Variants in ZNF865 observed in about 807,000 individuals in gnomAD.
ZNF865 encodes the protein zinc finger protein 865.
For synonymous variants in ZNF865, 763 were observed against 750.8 expected, an observed-to-expected ratio of 1.02 and a Z score of -0.27; for missense variants, 1,311 against 1,593.4, an observed-to-expected ratio of 0.82 and a Z score of 3.02.
chr19:55,614,127 G>A lies in ZNF865; in HGVS notation c.509G>A (p.Gly170Glu), dbSNP rs965254540. The part of the protein sequence containing the change: ...GNLKRGGPAS[G>E]PGVTPGLGAP... ...CTGAAGCGAGGAGGGCCCGCGTCCG[G>A]GCCGGGGGTGACGCCTGGGCTGGGC... The change falls in exon 2 of 2, where the codon GGG (glycine) becomes GAG (glutamate). Residue 170 changes from glycine (G) to glutamate (E), a missense_variant. Coordinates refer to ENST00000568956, the MANE Select transcript of ZNF865 (RefSeq NM_001195605.2). The surrounding 1 kb of genome is among the most constrained non-coding windows in gnomAD (Gnocchi z 8.0). 68 of 1,430,086 alleles carry A rather than the reference G, an allele frequency of 4.8e-5. No individual in the cohort carries two copies. Among genetic ancestry groups the A allele is most frequent in the South Asian group, 2.2e-4 (15 of 66,732 alleles). 88.6% of individuals were successfully genotyped at this position (1,430,086 alleles called of 1,614,324 possible).
chr19:55,613,860 C>T lies in ZNF865; in HGVS notation c.242C>T (p.Pro81Leu). The T allele has an allele frequency of 6.7e-7, 1 of 1,498,002 alleles. No individual in the cohort carries two copies. The highest frequency in any genetic ancestry group is 9.0e-7 in the Non-Finnish European group (1 of 1,115,004). 92.8% of individuals were successfully genotyped at this position (1,498,002 alleles called of 1,614,324 possible). A position where few individuals can be genotyped will look rare whatever the true frequency, so the allele number is the denominator to read the frequency against. ...CCTCCCCCGCAGTATGACTACCCGC[C>T]CCAGTCCACCTTCAAGCCCAAGGCG... ...QPPPPQYDYP[P>L]QSTFKPKAEV... Residue 81 changes from proline (P) to leucine (L), a missense_variant, in exon 2 of 2, where the codon CCC becomes CTC. Coordinates refer to ENST00000568956, the MANE Select transcript of ZNF865 (RefSeq NM_001195605.2).
At chr19:55,612,066 C>T (rs1184630944) in intron 1 of ZNF865, among the ~76,000 whole-genome samples, 1 of 152,162 alleles carries the variant, frequency 6.6e-6, no homozygotes, top group Non-Finnish European at 1.5e-5. Flanking sequence ...ACTCAAGCTC[C>T]CTGCTTCTGT....
Position 55,615,164 on chromosome 19 carries a change from G to T in ZNF865, c.1546G>T (p.Gly516Cys). ...GGCGGCCGCGGCGGCGGTGGTGTAC[G>T]GCGCTGTGCCCGTCCCGCTCCTGGG... ...AAAAAAAVVY[G>C]AVPVPLLGAH... is the part of the protein sequence containing the mutation. The change falls in exon 2 of 2, where the codon GGC (glycine) becomes TGC (cysteine). Residue 516 changes from glycine to cysteine, a missense_variant. Gly to Cys is a radical substitution (Grantham distance 159). Coordinates refer to ENST00000568956, the MANE Select transcript of ZNF865 (RefSeq NM_001195605.2). 1 of 1,335,352 alleles carries T rather than the reference G, an allele frequency of 7.5e-7. No homozygotes were observed. Among genetic ancestry groups the T allele is most frequent in the South Asian group, 1.7e-5 (1 of 59,134 alleles). The allele number at this position is 1,335,352 out of a possible 1,614,324, so 82.7% of individuals were successfully genotyped here. A position where few individuals can be genotyped will look rare whatever the true frequency, so the allele number is the denominator to read the frequency against.
Position 55,615,305 on chromosome 19 carries a change from G to A in ZNF865, c.1687G>A (p.Glu563Lys). Residue 563 changes from glutamate (E) to lysine (K), a missense_variant, in exon 2 of 2, where the codon GAG becomes AAG. Glu to Lys is a moderately conservative substitution (Grantham distance 56). Transcript: ENST00000568956. ...GICGRGFGRR[E>K]TLKRHERIHT... The stretch of plus-strand genomic sequence containing the variant: ...CTGCGGGCGCGGCTTCGGGCGCCGC[G>A]AGACCCTGAAGCGCCATGAGCGCAT... 1 of 1,526,492 alleles carries A rather than the reference G, an allele frequency of 6.6e-7. No individual in the cohort carries two copies. The highest frequency in any genetic ancestry group is 8.7e-7 in the Non-Finnish European group (1 of 1,143,396). 94.6% of individuals were successfully genotyped at this position (1,526,492 alleles called of 1,614,324 possible).
rs960655372 is a variant in ZNF865, at chr19:55,611,776, G to A, written c.-26-1817G>A. 6.6e-6 allele frequency among the ~76,000 whole-genome samples: 1 copy of A among 152,186 alleles called. No individual in the cohort carries two copies. Among genetic ancestry groups the A allele is most frequent in the Non-Finnish European group, 1.5e-5 (1 of 68,040 alleles). On this transcript the variant is annotated intron_variant, in intron 1 of 1. Transcript: ENST00000568956. This position sits in a 1 kb window ranked among gnomAD's most constrained non-coding sequence, Gnocchi z 4.5. ...ATCGGGTAGGGATGATGGACAGGAA[G>A]CGGGTCAGACCTCATGGGCCCTTCA...
In ZNF865 at chr19:55,614,393, C is replaced by T. The variant is rs1484832768; in HGVS notation, c.775C>T (p.Arg259Cys). 1.3e-6 allele frequency: 2 copies of T among 1,483,036 alleles called. No individual in the cohort carries two copies. Among genetic ancestry groups the T allele is most frequent in the East Asian group, 2.9e-5 (1 of 34,684 alleles). 91.9% of individuals were successfully genotyped at this position (1,483,036 alleles called of 1,614,324 possible). A position where few individuals can be genotyped will look rare whatever the true frequency, so the allele number is the denominator to read the frequency against. Reference sequence around the variant, plus strand: ...GCCCTACGAATGCGGCGTCTGCGGCCGCACCTACAACCACGTGTCCAGCCT... The same window carrying T: ...GCCCTACGAATGCGGCGTCTGCGGCTGCACCTACAACCACGTGTCCAGCCT... ...ERPYECGVCG[R>C]TYNHVSSLIR... is the part of the protein sequence containing the mutation. Residue 259 changes from arginine to cysteine, a missense_variant, in exon 2 of 2, where the codon CGC (arginine) becomes TGC (cysteine). By Grantham distance (180) the Arg-to-Cys change is radical (BLOSUM62 -3). Transcript: ENST00000568956. The surrounding 1 kb of genome is among the most constrained non-coding windows in gnomAD (Gnocchi z 8.0).
rs998474357 is a variant in ZNF865, at chr19:55,605,689, T to A, written c.-70T>A. On this transcript the variant is annotated 5_prime_UTR_variant, in exon 1 of 2. Transcript: ENST00000568956. ...CGGGTCTCCCCGGAGCGGCGGCGCCTCCTCCGCCTCCTCGGCCTCCTCCCG... is the reference window on the plus strand; with the variant it reads ...CGGGTCTCCCCGGAGCGGCGGCGCCACCTCCGCCTCCTCGGCCTCCTCCCG... 1 of 150,696 alleles carries A rather than the reference T, an allele frequency of 6.6e-6. No homozygotes were observed. Among genetic ancestry groups the A allele is most frequent in the Non-Finnish European group, 1.5e-5 (1 of 67,608 alleles). The allele number at this position is 150,696 out of a possible 1,614,324, so 9.3% of individuals were successfully genotyped here. A position where few individuals can be genotyped will look rare whatever the true frequency, so the allele number is the denominator to read the frequency against.
At chr19:55,608,312 C>CT (rs758447041) in intron 1 of ZNF865, among the ~76,000 whole-genome samples, 18,566 of 125,222 alleles carry the variant, frequency 0.15, 2,050 homozygotes, top group African/African-American at 0.29. Flanking sequence ...AGGACTGTGG[C>CT]TTTTTTTTTT....
At position 55,614,674 on chromosome 19, in the gene ZNF865, C is replaced by T. The variant is rs1256622553; in HGVS notation, c.1056C>T (p.Cys352=). The change falls in exon 2 of 2, where the codon TGC becomes TGT. Residue 352 remains cysteine (C), a synonymous_variant. Coordinates refer to ENST00000568956, the MANE Select transcript of ZNF865 (RefSeq NM_001195605.2). The surrounding 1 kb of genome is among the most constrained non-coding windows in gnomAD (Gnocchi z 8.0). ...ATGGGDGPFA[C]PLCWKVFKKP... is the part of the protein sequence containing the mutation. ...GGGGTGGCGATGGCCCGTTCGCCTGCCCACTCTGCTGGAAGGTTTTCAAGA... is the reference window on the plus strand; with the variant it reads ...GGGGTGGCGATGGCCCGTTCGCCTGTCCACTCTGCTGGAAGGTTTTCAAGA... 5 of 1,556,228 alleles carry T rather than the reference C, an allele frequency of 3.2e-6. No individual in the cohort carries two copies. Among genetic ancestry groups the T allele is most frequent in the Non-Finnish European group, 4.3e-6 (5 of 1,159,796 alleles).
At chr19:55,612,142 T>C (rs571287908) in intron 1 of ZNF865, among the ~76,000 whole-genome samples, 4 of 152,310 alleles carry the variant, frequency 2.6e-5, no homozygotes, top group Admixed American at 2.6e-4. Flanking sequence ...TTGAATGCAT[T>C]CTGCTGATGC....
chr19:55,609,674 G>A (rs1981063875), intron 1 of ZNF865, among the ~76,000 whole-genome samples: 1 of 152,048 alleles, frequency 6.6e-6, no homozygotes, highest in South Asian at 2.1e-4. Flanking sequence ...TTATAAGATG[G>A]GCCCAGTCAT....
intron 1 of ZNF865, among the ~76,000 whole-genome samples, chr19:55,606,506 C>G (rs551213681): frequency 6.6e-6 from 1 of 152,328 alleles, no homozygotes; most frequent in East Asian, 1.9e-4. Context: ...GCGGTCAGCC[C>G]GTCTTCATTA....
chr19:55,606,682 C>G (rs1389384680), intron 1 of ZNF865, among the ~76,000 whole-genome samples: 1 of 152,244 alleles, frequency 6.6e-6, no homozygotes, highest in African/African-American at 2.4e-5. Context: ...CTGGACTTCA[C>G]TAGGGTGTGA....
At position 55,616,744 on chromosome 19, in the gene ZNF865, G is replaced by C; in HGVS notation, c.3126G>C (p.Glu1042Asp). ...LKKHRLAHKA[E>D]NLGGPGAGAG... ...AACACCGCCTGGCGCACAAGGCCGA[G>C]AACCTCGGGGGGCCTGGAGCAGGGG... The change falls in exon 2 of 2, where the codon GAG (glutamate) becomes GAC (aspartate). Residue 1042 changes from glutamate (E) to aspartate (D), a missense_variant. Coordinates refer to ENST00000568956, the MANE Select transcript of ZNF865 (RefSeq NM_001195605.2). 1 of 1,486,716 alleles carries C rather than the reference G, an allele frequency of 6.7e-7. No homozygotes were observed. Among genetic ancestry groups the C allele is most frequent in the Non-Finnish European group, 8.9e-7 (1 of 1,123,084 alleles). The allele number at this position is 1,486,716 out of a possible 1,614,324, so 92.1% of individuals were successfully genotyped here. A position where few individuals can be genotyped will look rare whatever the true frequency, so the allele number is the denominator to read the frequency against.
chr19:55,610,850 A>G (rs1275427768), intron 1 of ZNF865, among the ~76,000 whole-genome samples: 1 of 152,194 alleles, frequency 6.6e-6, no homozygotes, highest in Non-Finnish European at 1.5e-5. Context: ...AGTGCTGAGT[A>G]GAGACCCAAG....
intron 1 of ZNF865, among the ~76,000 whole-genome samples, chr19:55,610,078 G>A (rs1164896095): frequency 6.6e-6 from 1 of 152,074 alleles, no homozygotes; most frequent in Non-Finnish European, 1.5e-5. Flanking sequence ...TCTGCTACAT[G>A]TCCCCCTCCG....
At chr19:55,613,543 G>A in intron 1 of ZNF865, 50 bp from the exon 2 acceptor site, 1 of 1,419,854 alleles carries the variant, frequency 7.0e-7, no homozygotes, top group South Asian at 1.4e-5. Flanking sequence ...TCACCTGCGG[G>A]GAGACCCAGC....
At position 55,615,540 on chromosome 19, in the gene ZNF865, G is replaced by A. The variant is rs1305380427; in HGVS notation, c.1922G>A (p.Gly641Asp). The A allele has an allele frequency of 6.0e-6, 9 of 1,508,686 alleles. No homozygotes were observed. The East Asian group carries it at 1.5e-4, about 25-fold the overall frequency. 93.5% of individuals were successfully genotyped at this position (1,508,686 alleles called of 1,614,324 possible). A position where few individuals can be genotyped will look rare whatever the true frequency, so the allele number is the denominator to read the frequency against. Residue 641 changes from glycine (G) to aspartate (D), a missense_variant, in exon 2 of 2, where the codon GGC becomes GAC. Gly to Asp is a moderately conservative substitution (Grantham distance 94). Transcript: ENST00000568956. ...QLPCALAGAAGLPSTQGTPGA... is the reference protein window; with the variant it reads ...QLPCALAGAADLPSTQGTPGA... ...CCCTGCGCCCTGGCCGGGGCAGCCG[G>A]CCTCCCCTCCACCCAAGGCACACCG...
rs182261736 is a variant in ZNF865, at chr19:55,617,056, C to T, written c.*258C>T. 2.5e-5 allele frequency: 10 copies of T among 400,740 alleles called. No individual in the cohort carries two copies. Among genetic ancestry groups the T allele is most frequent in the East Asian group, 1.1e-4 (3 of 26,184 alleles). The allele number at this position is 400,740 out of a possible 1,614,324, so 24.8% of individuals were successfully genotyped here. ...CTCGTTTGTGACCCGCATCAGCCCCCGCCCCAGCAGCACTCTGCCCCCAGT... is the reference window on the plus strand; with the variant it reads ...CTCGTTTGTGACCCGCATCAGCCCCTGCCCCAGCAGCACTCTGCCCCCAGT... On this transcript the variant is annotated 3_prime_UTR_variant, in exon 2 of 2. Transcript: ENST00000568956.
Sources: gnomAD v4.1 joint callset for allele counts (sites outside exome capture counted in the v4.1 genomes callset) on GRCh38, gnomAD v4.1.1 for gene constraint, Gnocchi (gnomAD v3.1) non-coding constraint, MANE v1.5 for transcripts, NCBI Gene and HGNC (gene_info 2026-07-23, HGNC 2026-07-21) for gene names.